The following CHST11 variants were observed in gnomAD, a reference collection of about 807,000 sequenced individuals.
CHST11 encodes carbohydrate sulfotransferase 11.
Under a neutral mutation model 30.4 loss-of-function variants are expected in CHST11, and 9 were observed. That is an observed-to-expected ratio of 0.30 (90% CI 0.18 to 0.52). CHST11 has a LOEUF of 0.52. CHST11 is among the 20% of genes least tolerant of loss of function. CHST11 has a pLI of 0.97. For synonymous variants in CHST11, 152 were observed against 187.8 expected (o/e 0.81, Z 1.56); for missense variants, 348 against 460.6 (o/e 0.76, Z 2.24).
At chr12:104,571,350 A>G (rs575638608) in intron 1 of CHST11, among the ~76,000 whole-genome samples, 1 of 152,082 alleles carries the variant, frequency 6.6e-6, no homozygotes, top group South Asian at 2.1e-4. Context: ...TTTAGTAGAG[A>G]TGGGGTTTCC....
At chr12:104,607,121 T>C (rs1034882665) in intron 2 of CHST11, among the ~76,000 whole-genome samples, 12 of 152,118 alleles carry the variant, frequency 7.9e-5, no homozygotes, top group Admixed American at 3.9e-4. Context: ...ATTTTTTGCT[T>C]AGTGAACCTG....
intron 1 of CHST11, among the ~76,000 whole-genome samples, chr12:104,566,878 C>A (rs1423044117): frequency 6.6e-6 from 1 of 151,650 alleles, no homozygotes; most frequent in Non-Finnish European, 1.5e-5. Context: ...AGTGCCTGAG[C>A]CTGAGAAAAT....
At chr12:104,491,065 G>C (rs2037739694) in intron 1 of CHST11, among the ~76,000 whole-genome samples, 2 of 151,886 alleles carry the variant, frequency 1.3e-5, no homozygotes, top group South Asian at 4.2e-4. Context: ...CCTACTGGAG[G>C]AAGTGTATTT....
At chr12:104,529,075 G>A (rs564937082) in intron 1 of CHST11, among the ~76,000 whole-genome samples, 1 of 152,298 alleles carries the variant, frequency 6.6e-6, no homozygotes, top group Admixed American at 6.5e-5. Context: ...ACCCTGTGGA[G>A]GAAATGAAAT....
At chr12:104,639,301 C>A (rs2039353311) in intron 2 of CHST11, among the ~76,000 whole-genome samples, 1 of 152,192 alleles carries the variant, frequency 6.6e-6, no homozygotes, top group African/African-American at 2.4e-5. Context: ...CACCACTGGT[C>A]ACAGCCCAAG....
intron 1 of CHST11, among the ~76,000 whole-genome samples, chr12:104,580,816 T>G (rs934721584): frequency 1.3e-5 from 2 of 152,228 alleles, no homozygotes; most frequent in African/African-American, 4.8e-5. Flanking sequence ...GGTCTTGAAC[T>G]CCTGGCCTCA....
At chr12:104,733,503 A>G (rs1446926115) in intron 2 of CHST11, among the ~76,000 whole-genome samples, 1 of 152,218 alleles carries the variant, frequency 6.6e-6, no homozygotes, top group Non-Finnish European at 1.5e-5. Flanking sequence ...AGTTGTTGGG[A>G]GTCGCAGCCA....
At chr12:104,648,133 A>C (rs553333512) in intron 2 of CHST11, among the ~76,000 whole-genome samples, 111 of 152,152 alleles carry the variant, frequency 7.3e-4, no homozygotes, top group Non-Finnish European at 1.2e-3. Context: ...ATTTGGAGAC[A>C]CCTCAGAGGC....
chr12:104,587,872 C>T (rs1218197472), intron 1 of CHST11, among the ~76,000 whole-genome samples: 1 of 136,966 alleles, frequency 7.3e-6, no homozygotes, highest in Non-Finnish European at 1.5e-5. Context: ...TGGAGTCTCA[C>T]TCTGTCACCC....
chr12:104,518,891 C>A (rs139148658), intron 1 of CHST11, among the ~76,000 whole-genome samples: 1 of 151,932 alleles, frequency 6.6e-6, no homozygotes, highest in African/African-American at 2.4e-5. Flanking sequence ...TCTACTAAGT[C>A]CTTTCATCTT....
intron 1 of CHST11, among the ~76,000 whole-genome samples, chr12:104,495,879 C>T (rs989334906): frequency 7.2e-5 from 11 of 152,324 alleles, no homozygotes; most frequent in Non-Finnish European, 1.3e-4. Context: ...AAATTCACAT[C>T]TTCAGCTGAC....
Position 104,757,746 on chromosome 12 carries a change from C to T in CHST11, c.1002C>T (p.Tyr334=). ...SEHQTQLYEV[Y]KLDFLMFNYS... is the part of the protein sequence containing the mutation. ...ACCAAACGCAGCTGTACGAAGTCTACAAACTCGATTTTTTAATGTTCAATT... is the reference window on the plus strand; with the variant it reads ...ACCAAACGCAGCTGTACGAAGTCTATAAACTCGATTTTTTAATGTTCAATT... The change falls in exon 3 of 3, where the codon TAC becomes TAT. Residue 334 remains tyrosine, a synonymous_variant. Transcript: ENST00000303694. This position sits in a 1 kb window ranked among gnomAD's most constrained non-coding sequence, Gnocchi z 6.5. The T allele has an allele frequency of 1.2e-6, 2 of 1,614,158 alleles. No homozygotes were observed. The highest frequency in any genetic ancestry group is 1.7e-6 in the Non-Finnish European group (2 of 1,180,034).
At chr12:104,752,498 T>C (rs2040440720) in intron 2 of CHST11, among the ~76,000 whole-genome samples, 1 of 123,782 alleles carries the variant, frequency 8.1e-6, no homozygotes, top group Admixed American at 8.4e-5. Flanking sequence ...ATTGGGAAAT[T>C]TATTTACTTA....
rs56136898 is a variant in CHST11, at chr12:104,752,505, CTTATTTATTTAT to C, written c.205-4423_205-4412del. ...AACAAACAATTGGGAAATTTATTTA[CTTATTTATTTAT>C]TTATTTATTTATTTATTTATGTATT... On this transcript the variant is annotated intron_variant, in intron 2 of 2. Transcript: ENST00000303694. Among the ~76,000 whole-genome samples, 1,111 of 149,554 alleles carry C rather than the reference CTTATTTATTTAT, an allele frequency of 7.4e-3. 19 individuals are homozygous for C. The highest frequency in any genetic ancestry group is 0.025 in the African/African-American group (1,000 of 40,628).
At chr12:104,571,165 T>TC (rs33921315) in intron 1 of CHST11, among the ~76,000 whole-genome samples, 4 of 7,710 alleles carry the variant, frequency 5.2e-4, no homozygotes, top group African/African-American at 1.8e-3. Context: ...GGACAGACAA[T>TC]TTTTTTTTTT....
At chr12:104,496,401 G>A (rs896828903) in intron 1 of CHST11, among the ~76,000 whole-genome samples, 1 of 152,142 alleles carries the variant, frequency 6.6e-6, no homozygotes, top group African/African-American at 2.4e-5. Flanking sequence ...CCTAATAATG[G>A]GCCAGAGGCC....
At chr12:104,514,215 A>G in intron 1 of CHST11, 2 of 887,726 alleles carry the variant, frequency 2.3e-6, no homozygotes, top group Non-Finnish European at 3.8e-6. Flanking sequence ...CTCCGGGGAC[A>G]TTGACACAGC....
At chr12:104,742,321 G>C (rs571040550) in intron 2 of CHST11, among the ~76,000 whole-genome samples, 15 of 152,118 alleles carry the variant, frequency 9.9e-5, no homozygotes, top group Non-Finnish European at 1.8e-4. Flanking sequence ...TGCCTCCCAA[G>C]AGCATCACCC....
At chr12:104,685,298 C>T (rs2039836405) in intron 2 of CHST11, among the ~76,000 whole-genome samples, 2 of 152,178 alleles carry the variant, frequency 1.3e-5, no homozygotes, top group Admixed American at 1.3e-4. Context: ...TGAAATTCTG[C>T]TCTTCTATCC....
Sources: gnomAD v4.1 joint callset for allele counts (sites outside exome capture counted in the v4.1 genomes callset) on GRCh38, gnomAD v4.1.1 for gene constraint, Gnocchi (gnomAD v3.1) non-coding constraint, MANE v1.5 for transcripts, NCBI Gene and HGNC (gene_info 2026-07-23, HGNC 2026-07-21) for gene names.